The following APOLD1 variants were observed in gnomAD, a reference collection of about 807,000 sequenced individuals.
APOLD1 encodes apolipoprotein L domain-containing protein 1.
APOLD1 carries 22 observed loss-of-function variants against 15.3 expected under a neutral mutation model. That is an observed-to-expected ratio of 1.44 (90% CI 1.03 to 2.05). The LOEUF (loss-of-function observed/expected upper bound fraction) is 2.05, where lower values mean the gene tolerates loss of function less well. Ranked by LOEUF, APOLD1 falls within the 30% of genes most tolerant of loss-of-function variation. The pLI is 0.00. For missense variants in APOLD1, 394 were observed against 353.5 expected (o/e 1.11, Z -0.92); for synonymous variants, 190 against 167.4 (o/e 1.13, Z -1.04).
chr12:12,776,141 C>T (rs752893946), intron 1 of APOLD1, among the ~76,000 whole-genome samples: 20 of 151,860 alleles, frequency 1.3e-4, no homozygotes, highest in East Asian at 1.9e-4. Context: ...TAATGTGAAC[C>T]GACTGAATTC....
At chr12:12,752,411 A>T (rs963995170) in intron 1 of APOLD1, among the ~76,000 whole-genome samples, 1 of 152,116 alleles carries the variant, frequency 6.6e-6, no homozygotes, top group African/African-American at 2.4e-5. Context: ...CAGTATTAGC[A>T]TTTGGCTTTC....
chr12:12,775,858 G>T (rs1181637009), intron 1 of APOLD1, among the ~76,000 whole-genome samples: 1 of 151,760 alleles, frequency 6.6e-6, no homozygotes, highest in East Asian at 1.9e-4. Context: ...TCTTTAATTA[G>T]CTGGGTGTGG....
intron 1 of APOLD1, among the ~76,000 whole-genome samples, chr12:12,769,999 A>G (rs1219284939): frequency 6.6e-6 from 1 of 152,264 alleles, no homozygotes; most frequent in African/African-American, 2.4e-5. Context: ...GCAAAAAAAC[A>G]TAGTTTGAAG....
rs1189211589 is a variant in APOLD1, at chr12:12,788,499, CTG to C, written c.*851_*852del. ...GTGTAGCCACCTAATCTCTCTGAGA[CTG>C]TGTAAAACAAAGATGATAAAATCTC... On this transcript the variant is annotated 3_prime_UTR_variant, in exon 2 of 2. Coordinates refer to ENST00000356591, the MANE Select transcript of APOLD1 (RefSeq NM_030817.3). 1.3e-5 allele frequency: 2 copies of C among 152,350 alleles called. No individual in the cohort carries two copies. The highest frequency in any genetic ancestry group is 3.9e-4 in the East Asian group (2 of 5,194). The allele number at this position is 152,350 out of a possible 1,614,324, so 9.4% of individuals were successfully genotyped here. A position where few individuals can be genotyped will look rare whatever the true frequency, so the allele number is the denominator to read the frequency against.
At chr12:12,747,119 A>G (rs1169340812) in intron 1 of APOLD1, among the ~76,000 whole-genome samples, 1 of 152,106 alleles carries the variant, frequency 6.6e-6, no homozygotes, top group Non-Finnish European at 1.5e-5. Context: ...TAATACATAT[A>G]TATTTTTTTC....
intron 1 of APOLD1, among the ~76,000 whole-genome samples, chr12:12,780,289 G>A (rs1210365160): frequency 6.6e-6 from 1 of 150,864 alleles, no homozygotes; most frequent in East Asian, 1.9e-4. Context: ...CTATTGCCCA[G>A]GCTGGAGTGC....
rs961930183 is a variant in APOLD1, at chr12:12,791,398, G to C, written c.*3746G>C. 6.6e-6 allele frequency: 1 copy of C among 152,166 alleles called. No homozygotes were observed. The highest frequency in any genetic ancestry group is 1.5e-5 in the Non-Finnish European group (1 of 68,018). 9.4% of individuals were successfully genotyped at this position (152,166 alleles called of 1,614,324 possible). A position where few individuals can be genotyped will look rare whatever the true frequency, so the allele number is the denominator to read the frequency against. On this transcript the variant is annotated 3_prime_UTR_variant, in exon 2 of 2. Transcript: ENST00000356591. ...TACAGTTAAATGTAGCAACTCTTGA[G>C]TTCATTTTTTCCCACTGTAGCAAAA...
intron 1 of APOLD1, among the ~76,000 whole-genome samples, chr12:12,753,114 A>C (rs564081551): frequency 2.6e-5 from 4 of 152,298 alleles, no homozygotes. Flanking sequence ...TGTGACATAC[A>C]TCTAAAAGGA....
chr12:12,776,003 CAAAAAAAAAAA>C (rs34623976), intron 1 of APOLD1, among the ~76,000 whole-genome samples: 1 of 62,184 alleles, frequency 1.6e-5, no homozygotes, highest in South Asian at 5.9e-4. Flanking sequence ...GACCCAGTCT[CAAAAAAAAAAA>C]AAAAAAAAAA....
intron 1 of APOLD1, among the ~76,000 whole-genome samples, chr12:12,770,794 A>AAC (rs1555091510): frequency 2.0e-5 from 3 of 150,812 alleles, no homozygotes; most frequent in African/African-American, 7.3e-5. Flanking sequence ...AAAAAAAAAA[A>AAC]CTCTACACCT....
upstream of APOLD1, among the ~76,000 whole-genome samples, chr12:12,784,773 G>T (rs893333726): frequency 6.6e-6 from 1 of 152,170 alleles, no homozygotes. Flanking sequence ...ATGCCCCAGA[G>T]ATATCTATGT....
chr12:12,780,012 T>C (rs1947066733), intron 1 of APOLD1, among the ~76,000 whole-genome samples: 1 of 152,102 alleles, frequency 6.6e-6, no homozygotes, highest in African/African-American at 2.4e-5. Flanking sequence ...TTCTGCAGAA[T>C]AAGTATTCTA....
intron 1 of APOLD1, among the ~76,000 whole-genome samples, chr12:12,746,445 G>C (rs530205574): frequency 6.6e-6 from 1 of 152,020 alleles, no homozygotes; most frequent in Non-Finnish European, 1.5e-5. Context: ...GCAGTGAGCC[G>C]AGATCGCACC....
chr12:12,772,026 C>A (rs2417232), intron 1 of APOLD1, among the ~76,000 whole-genome samples: 1 of 151,518 alleles, frequency 6.6e-6, no homozygotes, highest in South Asian at 2.1e-4. Context: ...TTATATGAAA[C>A]GCTCAATTGT....
At chr12:12,783,187 C>G (rs1947097648), upstream of APOLD1, among the ~76,000 whole-genome samples, 1 of 152,098 alleles carries the variant, frequency 6.6e-6, no homozygotes, top group Non-Finnish European at 1.5e-5. Context: ...GCCTGGGCGA[C>G]AGACTGAGAC....
rs771650880 is a variant in APOLD1, at chr12:12,785,735, T to C, written c.3+41T>C. On this transcript the variant is annotated intron_variant, in intron 1 of 1. Transcript: ENST00000356591. The stretch of plus-strand genomic sequence containing the variant: ...TGAGGCATATATTCGGGATGACTTT[T>C]TCTCATTTTCTCTTTTCACCTGGAA... The C allele has an allele frequency of 4.4e-6, 7 of 1,586,402 alleles. No homozygotes were observed. In the Admixed American group the frequency reaches 6.7e-5, roughly 15 times the overall value.
intron 1 of APOLD1, among the ~76,000 whole-genome samples, chr12:12,727,028 A>G (rs1392178176): frequency 3.9e-5 from 6 of 152,246 alleles, no homozygotes; most frequent in Non-Finnish European, 7.3e-5. Flanking sequence ...ACAAGATTCA[A>G]ATATCAAATA....
intron 1 of APOLD1, among the ~76,000 whole-genome samples, chr12:12,747,362 T>C (rs1045913761): frequency 6.6e-6 from 1 of 152,232 alleles, no homozygotes; most frequent in Non-Finnish European, 1.5e-5. Context: ...CTGGCTTTTC[T>C]CTGCCTTTTC....
At chr12:12,755,153 C>T (rs1946847539) in intron 1 of APOLD1, among the ~76,000 whole-genome samples, 1 of 152,126 alleles carries the variant, frequency 6.6e-6, no homozygotes, top group South Asian at 2.1e-4. Context: ...CAGACTCACT[C>T]ATATATGAAA....
Sources: allele counts gnomAD v4.1 joint callset (sites outside exome capture counted in the v4.1 genomes callset), GRCh38; gene constraint gnomAD v4.1.1; transcripts MANE v1.5; gene names NCBI Gene and HGNC (gene_info 2026-07-23, HGNC 2026-07-21).